RRM2: variants seen among roughly 807,000 people sequenced by gnomAD.
RRM2 encodes the protein ribonucleoside-diphosphate reductase subunit M2.
In RRM2, 6 loss-of-function variants were observed where a neutral mutation model predicts 45.9. The ratio of observed to expected loss-of-function variants is 0.13; its 90% CI spans 0.07 to 0.26. The LOEUF (loss-of-function observed/expected upper bound fraction) is 0.26. RRM2 is among the 10% of genes least tolerant of loss of function. The pLI, the probability that RRM2 is intolerant of heterozygous loss-of-function variation, is 1.00. For missense variants in RRM2, 343 were observed against 489.5 expected (o/e 0.70, Z 2.82); for synonymous variants, 177 against 173.0 (o/e 1.02, Z -0.18).
chr2:10,172,747 A>G lies in RRM2; in HGVS notation n.482+30372A>G, dbSNP rs978100005. Among the ~76,000 whole-genome samples the G allele has an allele frequency of 1.1e-4, 16 of 152,210 alleles. No homozygotes were observed. Among genetic ancestry groups the G allele is most frequent in the African/African-American group, 3.6e-4 (15 of 41,436 alleles). On this transcript the variant is annotated intron_variant and non_coding_transcript_variant, in intron 3 of 3. Transcript: ENST00000381786. The surrounding 1 kb of genome is among the most constrained non-coding windows in gnomAD (Gnocchi z 4.9). Reference sequence around the variant, plus strand: ...TGTTGCTGCACCCAGGACTGCCCACATCAGTTGCAAAATGCAATGTGGGGC... The same window carrying G: ...TGTTGCTGCACCCAGGACTGCCCACGTCAGTTGCAAAATGCAATGTGGGGC...
rs1173777808 is a variant in RRM2 at position 10,171,290 on chromosome 2, G to A, written n.482+28915G>A. On this transcript the variant is annotated intron_variant and non_coding_transcript_variant, in intron 3 of 3. Transcript: ENST00000381786. This position sits in a 1 kb window ranked among gnomAD's most constrained non-coding sequence, Gnocchi z 4.1. ...TTAAATGAGATAAGACAAACACAGA[G>A]CAACTCCTTGCTAACAGCCATGCAG... is the stretch of plus-strand genomic sequence containing the variant. 1.3e-5 allele frequency among the ~76,000 whole-genome samples: 2 copies of A among 152,228 alleles called. No homozygotes were observed. Among genetic ancestry groups the A allele is most frequent in the East Asian group, 3.9e-4 (2 of 5,194 alleles).
At chr2:10,180,374 G>A (rs1358401200) in intron 3 of RRM2, among the ~76,000 whole-genome samples, 1 of 152,146 alleles carries the variant, frequency 6.6e-6, no homozygotes, top group East Asian at 1.9e-4. Flanking sequence ...TTGTATTTCC[G>A]TCACCCTGGA....
At chr2:10,207,391 C>G (rs1420688446) in intron 3 of RRM2, among the ~76,000 whole-genome samples, 1 of 152,204 alleles carries the variant, frequency 6.6e-6, no homozygotes, top group East Asian at 1.9e-4. Flanking sequence ...ACCCGAGGCT[C>G]TCTCTTTGAA....
chr2:10,180,173 C>T (rs139231641), intron 3 of RRM2, among the ~76,000 whole-genome samples: 2,769 of 152,338 alleles, frequency 0.018, 45 homozygotes, highest in Middle Eastern at 0.031. Flanking sequence ...CTGAGGGTGT[C>T]CCTGTCATGT....
downstream of RRM2, among the ~76,000 whole-genome samples, chr2:10,134,804 AT>A (rs560246650): frequency 2.6e-5 from 4 of 152,242 alleles, no homozygotes; most frequent in South Asian, 8.3e-4. Flanking sequence ...TAAGGGAATT[AT>A]TCTAAAGAAG....
chr2:10,192,652 G>A (rs1256094411), intron 3 of RRM2: 1 of 154,480 alleles, frequency 6.5e-6, no homozygotes, highest in Admixed American at 6.5e-5. Context: ...CTCAGGAACT[G>A]GGAGGAACCC....
chr2:10,149,328 C>T (rs561387640), intron 3 of RRM2, among the ~76,000 whole-genome samples: 78 of 152,126 alleles, frequency 5.1e-4, no homozygotes, highest in African/African-American at 1.8e-3. Context: ...GGTGTTTTGC[C>T]GTGTTGGCTA....
chr2:10,148,814 C>G (rs1194191496), intron 3 of RRM2, among the ~76,000 whole-genome samples: 1 of 151,912 alleles, frequency 6.6e-6, no homozygotes, highest in East Asian at 1.9e-4. Flanking sequence ...TTTATGTTCC[C>G]CTATTTGAGT....
intron 3 of RRM2, among the ~76,000 whole-genome samples, chr2:10,203,043 C>T (rs924202021): frequency 5.9e-5 from 9 of 152,178 alleles, no homozygotes; most frequent in African/African-American, 1.7e-4. Context: ...AAAAGGCCAG[C>T]GAGGGAGAAG....
upstream of RRM2, among the ~76,000 whole-genome samples, chr2:10,140,344 C>T (rs762947161): frequency 1.3e-5 from 2 of 152,214 alleles, no homozygotes; most frequent in Non-Finnish European, 2.9e-5. Flanking sequence ...TTCGTTGGGG[C>T]GCAGCCACAC....
At chr2:10,168,757 T>C (rs1663732160) in intron 3 of RRM2, among the ~76,000 whole-genome samples, 1 of 152,098 alleles carries the variant, frequency 6.6e-6, no homozygotes, top group South Asian at 2.1e-4. Flanking sequence ...ATCCAGTCAT[T>C]CCTTCCTTCT....
chr2:10,154,691 CTTTTTTTTTT>C (rs70948874), intron 3 of RRM2, among the ~76,000 whole-genome samples: 1 of 95,752 alleles, frequency 1.0e-5, no homozygotes, highest in African/African-American at 4.2e-5. Context: ...AGTCCTGATT[CTTTTTTTTTT>C]TTTTTTTTTT....
At position 10,154,200 on chromosome 2, in the gene RRM2, G is replaced by T. The variant is rs1285543346; in HGVS notation, n.482+11825G>T. Among the ~76,000 whole-genome samples the T allele has an allele frequency of 2.0e-5, 3 of 152,170 alleles. No homozygotes were observed. The South Asian group carries it at 6.2e-4, about 32-fold the overall frequency. On this transcript the variant is annotated intron_variant and non_coding_transcript_variant, in intron 3 of 3. Coordinates refer to the RRM2 transcript ENST00000381786. ...TTAAATATTGCCAGGCAGGCTGGGC[G>T]TGGTGGCTCACGCCTGTAATCCCAG...
chr2:10,199,792 A>G (rs868357679), intron 3 of RRM2, among the ~76,000 whole-genome samples: 1 of 113,160 alleles, frequency 8.8e-6, no homozygotes, highest in African/African-American at 2.8e-5. Context: ...AAAAAAAAAA[A>G]AAAAAAAAAA....
intron 3 of RRM2, chr2:10,156,260 T>C (rs1281674308): frequency 6.6e-6 from 1 of 152,164 alleles, no homozygotes; most frequent in Non-Finnish European, 1.5e-5. Flanking sequence ...AATCACAAAC[T>C]CATAATGTTT....
At chr2:10,123,244 C>T in intron 2 of RRM2, 143 bp from the exon 3 acceptor site, 3 of 1,291,512 alleles carry the variant, frequency 2.3e-6, no homozygotes, top group Non-Finnish European at 3.1e-6. Flanking sequence ...TCCTCTGCTG[C>T]GACCCACGGA....
At chr2:10,196,578 G>A (rs537155939) in intron 3 of RRM2, among the ~76,000 whole-genome samples, 18 of 152,252 alleles carry the variant, frequency 1.2e-4, no homozygotes, top group African/African-American at 3.6e-4. Flanking sequence ...AGGACCAGCC[G>A]TTGTCCCACC....
At chr2:10,132,546 T>C (rs4309551), downstream of RRM2, among the ~76,000 whole-genome samples, 74,837 of 151,966 alleles carry the variant, frequency 0.49, 19,033 homozygotes, top group Middle Eastern at 0.57. Context: ...GCACAGATTT[T>C]TATCTGTCTT....
chr2:10,199,289 G>GGT (rs1558405852), intron 3 of RRM2: 1 of 24,528 alleles, frequency 4.1e-5, no homozygotes, highest in Non-Finnish European at 9.4e-5. Flanking sequence ...AAAAAAAAAA[G>GGT]GGGGGGGGGA....
Sources: allele counts gnomAD v4.1 joint callset (sites outside exome capture counted in the v4.1 genomes callset), GRCh38; gene constraint gnomAD v4.1.1; non-coding constraint Gnocchi (gnomAD v3.1); transcripts MANE v1.5; gene names NCBI Gene and HGNC (gene_info 2026-07-23, HGNC 2026-07-21).